PRKN: variants seen among roughly 807,000 people sequenced by gnomAD.
The protein encoded by PRKN is parkin RBR E3 ubiquitin protein ligase.
PRKN carries 56 observed loss-of-function variants against 59.5 expected under a neutral mutation model. That is an observed-to-expected ratio of 0.94 (90% CI 0.76 to 1.18). The LOEUF is 1.18. Ranked by LOEUF, PRKN falls within the 50% of genes most tolerant of loss-of-function variation. PRKN has a pLI of 0.00. For missense variants in PRKN, 657 were observed against 596.4 expected, an observed-to-expected ratio of 1.10 and a Z score of -1.06; for synonymous variants, 250 against 222.1, an observed-to-expected ratio of 1.13 and a Z score of -1.12.
intron 2 of PRKN, among the ~76,000 whole-genome samples, chr6:162,437,702 T>C (rs1789845298): frequency 1.3e-5 from 2 of 152,160 alleles, no homozygotes. Context: ...GGGGATGGGC[T>C]TTTTCCACAC....
At chr6:162,565,519 A>G (rs4709637) in intron 1 of PRKN, among the ~76,000 whole-genome samples, 46,450 of 151,646 alleles carry the variant, frequency 0.31, 7,524 homozygotes, top group East Asian at 0.49. Flanking sequence ...GTGAAACCCT[A>G]TCTCTACTAA....
intron 3 of PRKN, among the ~76,000 whole-genome samples, chr6:162,231,863 A>G (rs1445086742): frequency 6.6e-6 from 1 of 152,180 alleles, no homozygotes; most frequent in Non-Finnish European, 1.5e-5. Context: ...CCCAGAGAAG[A>G]CAGAAGGAAA....
chr6:162,336,628 G>A (rs1449897312), intron 2 of PRKN, among the ~76,000 whole-genome samples: 1 of 152,232 alleles, frequency 6.6e-6, no homozygotes, highest in East Asian at 1.9e-4. Context: ...ATGTGAGCGG[G>A]ACGCAGGTGC....
intron 1 of PRKN, among the ~76,000 whole-genome samples, chr6:162,664,236 T>G (rs1779009731): frequency 6.6e-6 from 1 of 152,218 alleles, no homozygotes; most frequent in Admixed American, 6.5e-5. Context: ...TTCTTTTTTA[T>G]GGCTGCATAG....
At chr6:162,140,603 C>T (rs1781735661) in intron 4 of PRKN, among the ~76,000 whole-genome samples, 2 of 152,124 alleles carry the variant, frequency 1.3e-5, no homozygotes, top group Admixed American at 1.3e-4. Context: ...TCCTTGTTCC[C>T]TTTTACAGCA....
intron 1 of PRKN, among the ~76,000 whole-genome samples, chr6:162,487,086 A>G (rs1792581524): frequency 6.6e-6 from 1 of 152,110 alleles, no homozygotes; most frequent in Non-Finnish European, 1.5e-5. Flanking sequence ...AAAAGAAAAG[A>G]AAAGTAGATT....
chr6:161,498,676 G>T lies in PRKN; in HGVS notation c.1083+50178C>A, dbSNP rs960430. Among the ~76,000 whole-genome samples, 3 of 152,056 alleles carry T rather than the reference G, an allele frequency of 2.0e-5. No homozygotes were observed. On this transcript the variant is annotated intron_variant, in intron 9 of 11. Coordinates refer to ENST00000366898, the MANE Select transcript of PRKN (RefSeq NM_004562.3). This position sits in a 1 kb window ranked among gnomAD's most constrained non-coding sequence, Gnocchi z 4.2. ...ACCTGCCGACCCTGATGGAGAACGA[G>T]GTCACATCAGTCTCCCTGCCAACCC... is the stretch of plus-strand genomic sequence containing the variant.
rs1459055496 is a variant in PRKN, at chr6:161,460,491, A to G, written c.1084-73614T>C. 6.6e-6 allele frequency among the ~76,000 whole-genome samples: 1 copy of G among 152,142 alleles called. No individual in the cohort carries two copies. The highest frequency in any genetic ancestry group is 2.4e-5 in the African/African-American group (1 of 41,422). On this transcript the variant is annotated intron_variant, in intron 9 of 11. Transcript: ENST00000366898. This position sits in a 1 kb window ranked among gnomAD's most constrained non-coding sequence, Gnocchi z 5.0. ...GCATATCAGCAGGAAGGGCCAGGGGACACTTCTCTGAACCCCCGTGATCAC... is the reference window on the plus strand; with the variant it reads ...GCATATCAGCAGGAAGGGCCAGGGGGCACTTCTCTGAACCCCCGTGATCAC...
chr6:162,237,101 G>T (rs1332173755), intron 3 of PRKN, among the ~76,000 whole-genome samples: 1 of 151,996 alleles, frequency 6.6e-6, no homozygotes, highest in Non-Finnish European at 1.5e-5. Flanking sequence ...ACTAAATTGA[G>T]ATTTATTTTT....
chr6:162,283,481 T>C (rs944322727), intron 2 of PRKN, among the ~76,000 whole-genome samples: 1 of 152,166 alleles, frequency 6.6e-6, no homozygotes, highest in African/African-American at 2.4e-5. Context: ...AAGGAAATGG[T>C]ATGAGTTTTT....
chr6:161,457,448 T>TGATACAACTGTATTCTGAAAG lies in PRKN; in HGVS notation c.1084-70592_1084-70572dup, dbSNP rs1160209523. On this transcript the variant is annotated intron_variant, in intron 9 of 11. Coordinates refer to ENST00000366898, the MANE Select transcript of PRKN (RefSeq NM_004562.3). The surrounding 1 kb of genome is among the most constrained non-coding windows in gnomAD (Gnocchi z 5.0). ...ATTACCTCTTCTAATTGCCCTACAA[T>TGATACAACTGTATTCTGAAAG]GATACAACTGTATTCTGAAAGGATA... 1.3e-5 allele frequency among the ~76,000 whole-genome samples: 2 copies of TGATACAACTGTATTCTGAAAG among 152,208 alleles called. No homozygotes were observed. Among genetic ancestry groups the TGATACAACTGTATTCTGAAAG allele is most frequent in the Non-Finnish European group, 2.9e-5 (2 of 68,034 alleles).
chr6:161,720,684 G>C (rs1267280031), intron 7 of PRKN, among the ~76,000 whole-genome samples: 1 of 152,140 alleles, frequency 6.6e-6, no homozygotes, highest in East Asian at 1.9e-4. Context: ...AAAAATATCT[G>C]TCATCAATGA....
At chr6:162,191,292 T>C (rs958004854) in intron 4 of PRKN, among the ~76,000 whole-genome samples, 3 of 152,220 alleles carry the variant, frequency 2.0e-5, no homozygotes, top group African/African-American at 4.8e-5. Flanking sequence ...AAGCCAATCA[T>C]GGCAATTCTG....
At chr6:162,443,071 G>A (rs541189557) in intron 2 of PRKN, among the ~76,000 whole-genome samples, 6 of 152,192 alleles carry the variant, frequency 3.9e-5, no homozygotes, top group South Asian at 2.1e-4. Flanking sequence ...AGCCTAGCTC[G>A]TGTGTTCTTT....
At chr6:161,572,956 G>A (rs1780949025) in intron 7 of PRKN, among the ~76,000 whole-genome samples, 1 of 152,196 alleles carries the variant, frequency 6.6e-6, no homozygotes, top group Admixed American at 6.5e-5. Flanking sequence ...AAAAACTGCT[G>A]TGAAATTCAG....
chr6:161,820,182 A>C (rs1791962378), intron 6 of PRKN, among the ~76,000 whole-genome samples: 1 of 134,066 alleles, frequency 7.5e-6, no homozygotes, highest in Non-Finnish European at 1.7e-5. Context: ...ATCTTTCTAA[A>C]AATTCAATAA....
chr6:162,263,743 C>G (rs1173561221), intron 2 of PRKN, among the ~76,000 whole-genome samples: 2 of 151,590 alleles, frequency 1.3e-5, no homozygotes, highest in Non-Finnish European at 2.9e-5. Context: ...AGCCTGAGGT[C>G]AGGAGTTCGA....
chr6:161,894,001 A>G (rs1244758275), intron 6 of PRKN, among the ~76,000 whole-genome samples: 3 of 152,230 alleles, frequency 2.0e-5, no homozygotes, highest in Non-Finnish European at 2.9e-5. Flanking sequence ...AGCCACATTC[A>G]TTATCGATCC....
intron 5 of PRKN, among the ~76,000 whole-genome samples, chr6:162,052,405 A>G (rs1431337025): frequency 1.3e-5 from 2 of 152,000 alleles, no homozygotes; most frequent in Non-Finnish European, 2.9e-5. Flanking sequence ...TCTATCCTTG[A>G]TGATTTCAAT....
Sources: gnomAD v4.1 joint callset for allele counts (sites outside exome capture counted in the v4.1 genomes callset) on GRCh38, gnomAD v4.1.1 for gene constraint, Gnocchi (gnomAD v3.1) non-coding constraint, MANE v1.5 for transcripts, NCBI Gene and HGNC (gene_info 2026-07-23, HGNC 2026-07-21) for gene names.